The following ADTRP variants were observed in gnomAD, a reference collection of about 807,000 sequenced individuals.
ADTRP encodes the protein androgen-dependent TFPI-regulating protein.
A neutral mutation model predicts 27.0 loss-of-function variants in ADTRP; 20 were observed. The ratio of observed to expected loss-of-function variants is 0.74; its 90% CI spans 0.52 to 1.08. The LOEUF (loss-of-function observed/expected upper bound fraction) is 1.08. Ranked by LOEUF, ADTRP falls within the 50% of genes least tolerant of loss-of-function variation. ADTRP has a pLI of 0.00. For synonymous variants in ADTRP, 101 were observed against 105.2 expected (o/e 0.96, Z 0.25); for missense variants, 251 against 275.0 (o/e 0.91, Z 0.62).
chr6:11,715,725 G>A (rs542526810), intron 5 of ADTRP, among the ~76,000 whole-genome samples: 5 of 143,760 alleles, frequency 3.5e-5, no homozygotes, highest in Admixed American at 7.1e-5. Flanking sequence ...AGCTCACTGC[G>A]GCCTTGAGCT....
chr6:11,736,559 C>G (rs958873743), intron 3 of ADTRP: 1 of 152,594 alleles, frequency 6.6e-6, no homozygotes, highest in Non-Finnish European at 1.5e-5. Context: ...CTTCACCCTC[C>G]GTTGTGCTCA....
chr6:11,769,596 G>T (rs551758339), intron 1 of ADTRP, among the ~76,000 whole-genome samples: 1 of 152,170 alleles, frequency 6.6e-6, no homozygotes, highest in African/African-American at 2.4e-5. Flanking sequence ...GTTAAAGATT[G>T]TTTATCTGGG....
intron 1 of ADTRP, among the ~76,000 whole-genome samples, chr6:11,769,355 A>G (rs1372110049): frequency 6.6e-6 from 1 of 151,986 alleles, no homozygotes; most frequent in Non-Finnish European, 1.5e-5. Context: ...GCTGTTGGGG[A>G]ACAATCTTTG....
chr6:11,748,361 A>G (rs771837032), intron 3 of ADTRP, among the ~76,000 whole-genome samples: 1 of 152,166 alleles, frequency 6.6e-6, no homozygotes, highest in Non-Finnish European at 1.5e-5. Context: ...CTCCACCCCA[A>G]AGGAAGAAGA....
Position 11,735,696 on chromosome 6 carries a change from A to G in ADTRP, c.391-13T>C. 6.3e-7 allele frequency: 1 copy of G among 1,589,458 alleles called. No individual in the cohort carries two copies. Among genetic ancestry groups the G allele is most frequent in the Non-Finnish European group, 8.6e-7 (1 of 1,157,970 alleles). On this transcript the variant is annotated splice_polypyrimidine_tract_variant and intron_variant, in intron 3 of 5. Transcript: ENST00000414691. ...ATATGAAAGTGTGCTGCAGGAGAGAAAATGGCAAATCAGAATGGCAGGGTG... is the reference window on the plus strand; with the variant it reads ...ATATGAAAGTGTGCTGCAGGAGAGAGAATGGCAAATCAGAATGGCAGGGTG...
chr6:11,741,450 A>G (rs950604326), intron 3 of ADTRP, among the ~76,000 whole-genome samples: 1 of 152,232 alleles, frequency 6.6e-6, no homozygotes, highest in Non-Finnish European at 1.5e-5. Flanking sequence ...AGAGAAATGA[A>G]TGCCCCACTG....
rs185287714 is a variant in ADTRP at position 11,774,036 on chromosome 6, C to A, written c.153+4571G>T. Among the ~76,000 whole-genome samples the A allele has an allele frequency of 1.9e-3, 284 of 152,242 alleles. 1 individual carries two copies. The highest frequency in any genetic ancestry group is 6.3e-3 in the African/African-American group (263 of 41,540). ...TGAAGAGTGCCATAGGGGTTGGGTGCGGTGGCTCACGCCTGTAATCCCAGC... is the reference window on the plus strand; with the variant it reads ...TGAAGAGTGCCATAGGGGTTGGGTGAGGTGGCTCACGCCTGTAATCCCAGC... On this transcript the variant is annotated intron_variant, in intron 1 of 5. Coordinates refer to ENST00000414691, the MANE Select transcript of ADTRP (RefSeq NM_032744.4).
chr6:11,761,653 T>A (rs1051231863), intron 3 of ADTRP, among the ~76,000 whole-genome samples: 13 of 152,234 alleles, frequency 8.5e-5, no homozygotes, highest in Non-Finnish European at 1.5e-4. Context: ...CTTTTTGATT[T>A]GAACTCAGCA....
chr6:11,719,383 A>G (rs1008648534), intron 5 of ADTRP, among the ~76,000 whole-genome samples: 1 of 152,240 alleles, frequency 6.6e-6, no homozygotes. Context: ...GCTCTGTAAC[A>G]GCGGTTCCGG....
chr6:11,742,520 T>A (rs1762750817), intron 3 of ADTRP, among the ~76,000 whole-genome samples: 1 of 152,200 alleles, frequency 6.6e-6, no homozygotes, highest in Non-Finnish European at 1.5e-5. Context: ...CCCAGACAGA[T>A]AAAGTAAAAA....
rs904532772 is a variant in ADTRP, at chr6:11,778,606, C to A, written c.153+1G>T. The A allele has an allele frequency of 6.2e-7, 1 of 1,613,986 alleles. No individual in the cohort carries two copies. Among genetic ancestry groups the A allele is most frequent in the East Asian group, 2.2e-5 (1 of 44,888 alleles). On this transcript the variant is annotated splice_donor_variant, in intron 1 of 5. Transcript: ENST00000414691. LOFTEE classifies it high-confidence loss of function. ...TTCCTGGTACGGACATATGGACTTA[C>A]CAGATTAAGCAGCGTCATATATTTC...
chr6:11,755,959 T>C (rs1269205900), intron 3 of ADTRP, among the ~76,000 whole-genome samples: 1 of 152,210 alleles, frequency 6.6e-6, no homozygotes, highest in Admixed American at 6.5e-5. Flanking sequence ...GTATCTCTAT[T>C]CTCCCTAGAC....
intron 1 of ADTRP, among the ~76,000 whole-genome samples, chr6:11,771,278 C>G (rs1372864696): frequency 6.6e-6 from 1 of 152,228 alleles, no homozygotes; most frequent in Admixed American, 6.5e-5. Context: ...GCCAGGCAGC[C>G]CTGTCGCCAT....
chr6:11,730,972 A>C (rs1762362046), intron 4 of ADTRP, among the ~76,000 whole-genome samples: 1 of 152,234 alleles, frequency 6.6e-6, no homozygotes, highest in Non-Finnish European at 1.5e-5. Context: ...TGGCATCAGC[A>C]GTGGGCATGG....
intron 3 of ADTRP, among the ~76,000 whole-genome samples, chr6:11,737,690 G>A: frequency 6.6e-6 from 1 of 152,192 alleles, no homozygotes; most frequent in East Asian, 1.9e-4. Context: ...TAAGGCCACA[G>A]TGGGGTGGCC....
intron 1 of ADTRP, among the ~76,000 whole-genome samples, chr6:11,777,469 C>CGT (rs909914094): frequency 4.4e-5 from 5 of 113,748 alleles, no homozygotes; most frequent in African/African-American, 1.3e-4. Flanking sequence ...TGTGTATGCG[C>CGT]GTGTGTGTGT....
At chr6:11,755,171 T>A (rs1763174215) in intron 3 of ADTRP, 1 of 655,498 alleles carries the variant, frequency 1.5e-6, no homozygotes, top group South Asian at 7.0e-5. Flanking sequence ...ATAATTTTAA[T>A]TACTAAAATT....
At chr6:11,731,827 CTTA>C (rs1762390374) in intron 4 of ADTRP, among the ~76,000 whole-genome samples, 1 of 152,176 alleles carries the variant, frequency 6.6e-6, no homozygotes, top group African/African-American at 2.4e-5. Flanking sequence ...GTCATCTCCA[CTTA>C]TTAAGGATAA....
At chr6:11,725,519 A>G (rs1047069856) in intron 4 of ADTRP, among the ~76,000 whole-genome samples, 3 of 152,210 alleles carry the variant, frequency 2.0e-5, no homozygotes, top group African/African-American at 7.2e-5. Flanking sequence ...TTTTTTTTAA[A>G]AAGACAAGAT....
Sources: allele counts gnomAD v4.1 joint callset (sites outside exome capture counted in the v4.1 genomes callset), GRCh38; gene constraint gnomAD v4.1.1; transcripts MANE v1.5; gene names NCBI Gene and HGNC (gene_info 2026-07-23, HGNC 2026-07-21).